The following ANO7 variants were observed in gnomAD, a reference collection of about 807,000 sequenced individuals.
ANO7 encodes the protein anoctamin-7.
ANO7 carries 114 observed loss-of-function variants against 115.8 expected under a neutral mutation model. The observed-to-expected ratio is 0.98, with a 90% CI of 0.85 to 1.15. The LOEUF (loss-of-function observed/expected upper bound fraction) is 1.15, where lower values mean the gene tolerates loss of function less well. ANO7 is among the 50% of genes most tolerant of loss of function. The pLI is 0.00. For synonymous variants in ANO7, 550 were observed against 498.2 expected (o/e 1.10, Z -1.38); for missense variants, 1,302 against 1,201.2 (o/e 1.08, Z -1.24).
the ANO7 span, chr2:241,231,000 G>A: frequency 2.0e-6 from 3 of 1,509,282 alleles, no homozygotes; most frequent in Admixed American, 3.4e-5. This position sits in a 1 kb window ranked among gnomAD's most constrained non-coding sequence, Gnocchi z 5.0. Context: ...TTCCCGTCAG[G>A]GGCAAGAGCC....
the ANO7 span, among the ~76,000 whole-genome samples, chr2:241,231,617 T>TCTGGAGGCATCTTTGTG: frequency 2.0e-5 from 3 of 152,190 alleles, no homozygotes; most frequent in African/African-American, 7.2e-5. Context: ...TGGGCCACAG[T>TCTGGAGGCATCTTTGTG]CTGGAGGCAT....
At chr2:241,218,462 C>T in intron 21 of ANO7, 81 bp downstream of exon 21, 2 of 832,606 alleles carry the variant, frequency 2.4e-6, no homozygotes, top group East Asian at 1.2e-4. Context: ...GGGGGTGCGG[C>T]GGTGGGGAGC....
chr2:241,233,980 C>G, the ANO7 span: 11 of 1,613,870 alleles, frequency 6.8e-6, no homozygotes, highest in Admixed American at 5.0e-5. This position sits in a 1 kb window ranked among gnomAD's most constrained non-coding sequence, Gnocchi z 4.3. Context: ...ATGAAAGGAG[C>G]AAGAATGAGG....
rs148609049 is a variant in ANO7, at chr2:241,188,699, C to T, written c.-75C>T. On this transcript the variant is annotated 5_prime_UTR_variant, in exon 1 of 25. Coordinates refer to ENST00000674324, the MANE Select transcript of ANO7 (RefSeq NM_001370694.2). This position sits in a 1 kb window ranked among gnomAD's most constrained non-coding sequence, Gnocchi z 4.3. ...CGCAGTGAGGACGGGACTCTACTGC[C>T]GAGACCAGGCTCACGCTGAGAGGTG... 6,096 of 1,613,612 alleles carry T rather than the reference C, an allele frequency of 3.8e-3. 51 individuals are homozygous for T. Among genetic ancestry groups the T allele is most frequent in the Non-Finnish European group, 3.1e-3 (3,678 of 1,179,938 alleles).
At chr2:241,239,569 T>G in the ANO7 span, 40 of 1,563,996 alleles carry the variant, frequency 2.6e-5, no homozygotes, top group East Asian at 2.2e-5. This position sits in a 1 kb window ranked among gnomAD's most constrained non-coding sequence, Gnocchi z 4.6. Flanking sequence ...CACTGGGGGG[T>G]GAGAACCCCT....
intron 3 of ANO7, among the ~76,000 whole-genome samples, chr2:241,194,953 A>G (rs1049375745): frequency 2.6e-5 from 4 of 152,170 alleles, no homozygotes; most frequent in Non-Finnish European, 5.9e-5. Flanking sequence ...AGCGTGTTCC[A>G]GCTGGAGCTC....
At chr2:241,240,006 G>C in the ANO7 span, 1 of 1,614,242 alleles carries the variant, frequency 6.2e-7, no homozygotes, top group South Asian at 1.1e-5. The surrounding 1 kb of genome is among the most constrained non-coding windows in gnomAD (Gnocchi z 5.5). Flanking sequence ...CCGCAGGGAA[G>C]ATGACACGTG....
the ANO7 span, chr2:241,239,855 C>A: frequency 6.2e-7 from 1 of 1,611,564 alleles, no homozygotes; most frequent in Non-Finnish European, 8.5e-7. The surrounding 1 kb of genome is among the most constrained non-coding windows in gnomAD (Gnocchi z 4.6). Context: ...GATAAGCCAC[C>A]CCATCACGGC....
At chr2:241,240,160 C>T in the ANO7 span, 66 of 1,590,870 alleles carry the variant, frequency 4.1e-5, no homozygotes, top group Non-Finnish European at 4.6e-5. This position sits in a 1 kb window ranked among gnomAD's most constrained non-coding sequence, Gnocchi z 5.5. Flanking sequence ...CCTGACACCA[C>T]GTGCCTGGAC....
chr2:241,209,015 G>A (rs573328901), intron 11 of ANO7, among the ~76,000 whole-genome samples: 112 of 152,342 alleles, frequency 7.4e-4, no homozygotes, highest in African/African-American at 2.6e-3. Flanking sequence ...CGGGCGTGGT[G>A]GCGGGCGCCT....
downstream of ANO7, chr2:241,229,581 G>C: frequency 6.3e-7 from 1 of 1,585,372 alleles, no homozygotes; most frequent in South Asian, 1.1e-5. Context: ...GGCTGGAGAG[G>C]GTTCTGTTCT....
chr2:241,210,237 G>T (rs1392211702), intron 13 of ANO7, 58 bp from the exon 14 acceptor site: 1 of 1,553,706 alleles, frequency 6.4e-7, no homozygotes, highest in East Asian at 2.2e-5. Flanking sequence ...CATGGCCTGA[G>T]GGTGCTGGGG....
chr2:241,204,748 C>T (rs2068550151), intron 9 of ANO7, 117 bp from the exon 10 acceptor site: 3 of 714,572 alleles, frequency 4.2e-6, no homozygotes, highest in Non-Finnish European at 7.0e-6. Context: ...CATAGGGCCC[C>T]AGCCCCCAAG....
At position 241,191,211 on chromosome 2, in the gene ANO7, G is replaced by A. The variant is rs150131533; in HGVS notation, c.126G>A (p.Ala42=). 7.2e-5 allele frequency: 117 copies of A among 1,613,886 alleles called. 1 individual carries two copies. Among genetic ancestry groups the A allele is most frequent in the Middle Eastern group, 6.6e-4 (4 of 6,062 alleles). ...CCTTCCAGCCAGGTGGACAGCAAGCGGCCGCCTGCAGAGCTGGGAGTCCTG... is the reference window on the plus strand; with the variant it reads ...CCTTCCAGCCAGGTGGACAGCAAGCAGCCGCCTGCAGAGCTGGGAGTCCTG... ...AHASEPGGQQ[A]AACRAGSPAK... Residue 42 remains alanine (A), a synonymous_variant, in exon 3 of 25, where the codon GCG becomes GCA. Transcript: ENST00000674324.
the ANO7 span, among the ~76,000 whole-genome samples, chr2:241,239,142 G>A: frequency 3.3e-5 from 5 of 152,296 alleles, no homozygotes; most frequent in East Asian, 1.9e-4. This position sits in a 1 kb window ranked among gnomAD's most constrained non-coding sequence, Gnocchi z 4.6. Flanking sequence ...GGAGTGGCCT[G>A]GAGGGGACAC....
At chr2:241,214,778 C>T in intron 17 of ANO7, 27 bp from the exon 18 acceptor site, 1 of 1,604,076 alleles carries the variant, frequency 6.2e-7, no homozygotes, top group Non-Finnish European at 8.5e-7. Flanking sequence ...CCCCCTCTCC[C>T]AGCTAACCTG....
Position 241,203,334 on chromosome 2 carries a change from G to A in ANO7, c.725G>A (p.Gly242Asp). The A allele has an allele frequency of 6.5e-7, 1 of 1,535,776 alleles. No homozygotes were observed. The change falls in exon 9 of 25, where the codon GGC becomes GAC. Residue 242 changes from glycine (G) to aspartate (D), a missense_variant and splice_region_variant. Physicochemically the swap from Gly to Asp is moderately conservative, Grantham distance 94. Transcript: ENST00000674324. This position sits in a 1 kb window ranked among gnomAD's most constrained non-coding sequence, Gnocchi z 4.8. ...CACCCACAGGCCGCTCGCCCCCAGG[G>A]CCCCTTCAAGACGCCCCCAGAGGGC... ...VLSAAFPLHD[G>D]PFKTPPEGPQ...
intron 18 of ANO7, 46 bp from the exon 19 acceptor site, chr2:241,216,047 G>T: frequency 1.3e-6 from 2 of 1,564,636 alleles, no homozygotes; most frequent in East Asian, 2.2e-5. Flanking sequence ...CAGCCACTGA[G>T]ACCCATGTTG....
At chr2:241,204,048 T>C (rs1031149807) in intron 9 of ANO7, among the ~76,000 whole-genome samples, 2 of 152,088 alleles carry the variant, frequency 1.3e-5, no homozygotes, top group Admixed American at 6.5e-5. Context: ...AGCCCCACCG[T>C]GGACCCAGAC....
Sources: allele counts gnomAD v4.1 joint callset (sites outside exome capture counted in the v4.1 genomes callset), GRCh38; gene constraint gnomAD v4.1.1; non-coding constraint Gnocchi (gnomAD v3.1); transcripts MANE v1.5; gene names NCBI Gene and HGNC (gene_info 2026-07-23, HGNC 2026-07-21).